Variants in PYGB observed in about 807,000 individuals in gnomAD.
PYGB encodes glycogen phosphorylase, brain form.
A neutral mutation model predicts 94.3 loss-of-function variants in PYGB; 82 were observed. That is an observed-to-expected ratio of 0.87 (90% CI 0.73 to 1.04). The LOEUF (loss-of-function observed/expected upper bound fraction) is 1.04, where lower values mean the gene tolerates loss of function less well. Among genes scored for constraint, PYGB ranks in the 50% least tolerant of loss-of-function variants. The pLI, the probability that PYGB is intolerant of heterozygous loss-of-function variation, is 0.00. For synonymous variants in PYGB, 488 were observed against 479.1 expected, an observed-to-expected ratio of 1.02 and a Z score of -0.24; for missense variants, 1,132 against 1,158.2, an observed-to-expected ratio of 0.98 and a Z score of 0.33.
chr20:25,276,753 G>C lies in PYGB; in HGVS notation c.768G>C (p.Gln256His). The C allele has an allele frequency of 1.2e-6, 2 of 1,613,526 alleles. No individual in the cohort carries two copies. Among genetic ancestry groups the C allele is most frequent in the Non-Finnish European group, 1.7e-6 (2 of 1,179,500 alleles). The change falls in exon 6 of 20, where the codon CAG becomes CAC. Residue 256 changes from glutamine to histidine, a missense_variant. Transcript: ENST00000216962. The part of the protein sequence containing the change: ...SAKAPNDFKL[Q>H]DFNVGDYIEA... ...AGGCTCCCAACGACTTCAAGCTGCA[G>C]GACTGTACGTTCCGTGGTTCTTGGC...
intron 2 of PYGB, among the ~76,000 whole-genome samples, chr20:25,268,157 A>G (rs867993650): frequency 7.1e-5 from 2 of 28,336 alleles, no homozygotes; most frequent in Admixed American, 4.5e-4. Context: ...AAATCCTAGC[A>G]CCCGCCCCCC....
rs2088341655 is a variant in PYGB, at chr20:25,279,084, C to T, written c.1027C>T (p.Pro343Ser). The change falls in exon 9 of 20, where the codon CCC (proline) becomes TCC (serine). Residue 343 changes from proline to serine, a missense_variant. Transcript: ENST00000216962. The stretch of plus-strand genomic sequence containing the variant: ...GGCCATCCAGCTGAACGACACCCAC[C>T]CCGCCCTCTCCATCCCTGAGCTCAT... The part of the protein sequence containing the change: ...KVAIQLNDTH[P>S]ALSIPELMRI... 8 of 1,613,840 alleles carry T rather than the reference C, an allele frequency of 5.0e-6. No individual in the cohort carries two copies. The highest frequency in any genetic ancestry group is 6.8e-6 in the Non-Finnish European group (8 of 1,179,822).
At chr20:25,289,940 G>A in intron 15 of PYGB, 1 of 533,544 alleles carries the variant, frequency 1.9e-6, no homozygotes, top group South Asian at 1.4e-5. Context: ...GGTACTTCAT[G>A]GGTCCCCTGC....
At chr20:25,292,936 C>A (rs1383988221) in intron 17 of PYGB, among the ~76,000 whole-genome samples, 1 of 151,692 alleles carries the variant, frequency 6.6e-6, no homozygotes, top group East Asian at 1.9e-4. Flanking sequence ...TAGAGGGACA[C>A]CCCCTGGGCA....
intron 15 of PYGB, 98 bp downstream of exon 15, chr20:25,288,581 C>T (rs771446737): frequency 7.8e-6 from 11 of 1,410,820 alleles, no homozygotes; most frequent in East Asian, 2.3e-5. Flanking sequence ...CATCCATACT[C>T]GGGAACCGGA....
chr20:25,296,355 T>C lies in PYGB; in HGVS notation c.2380-15T>C, dbSNP rs2088544561. On this transcript the variant is annotated splice_polypyrimidine_tract_variant and intron_variant, in intron 19 of 19. Transcript: ENST00000216962. The stretch of plus-strand genomic sequence containing the variant: ...CCTGTGACGCCAGAGACTAATTTCA[T>C]CTCCTTCCCTGCAGAACCCCAAGGA... 1 of 1,613,866 alleles carries C rather than the reference T, an allele frequency of 6.2e-7. No homozygotes were observed. Among genetic ancestry groups the C allele is most frequent in the East Asian group, 2.2e-5 (1 of 44,888 alleles).
In PYGB at chr20:25,280,301, C is replaced by A; in HGVS notation, c.1128C>A (p.Thr376=). ...TCACGAAGAAGACCTGTGCATACAC[C>A]AACCACACTGTGCTGCCTGAGGCCT... The part of the protein sequence containing the change: ...WEITKKTCAY[T]NHTVLPEALE... The change falls in exon 10 of 20, where the codon ACC becomes ACA. Residue 376 remains threonine, a synonymous_variant. Transcript: ENST00000216962. 6.2e-7 allele frequency: 1 copy of A among 1,614,196 alleles called. No individual in the cohort carries two copies.
At chr20:25,288,518 T>G (rs755039263) in intron 15 of PYGB, 35 bp downstream of exon 15, 2 of 1,608,284 alleles carry the variant, frequency 1.2e-6, no homozygotes, top group Non-Finnish European at 8.5e-7. Flanking sequence ...CTCTGTGGTG[T>G]TTGGTCTGGG....
At chr20:25,251,103 T>G (rs908754459) in intron 1 of PYGB, 3 of 152,254 alleles carry the variant, frequency 2.0e-5, no homozygotes, top group Non-Finnish European at 2.9e-5. Flanking sequence ...TTTGCCATGC[T>G]TGGCAAATCA....
At chr20:25,292,746 G>C (rs1219219511) in intron 17 of PYGB, 133 bp downstream of exon 17, 1 of 1,203,534 alleles carries the variant, frequency 8.3e-7, no homozygotes, top group Non-Finnish European at 1.1e-6. Flanking sequence ...ACCCAGGGCT[G>C]TGTGCCTGCC....
intron 1 of PYGB, among the ~76,000 whole-genome samples, chr20:25,255,862 T>TG (rs1475585368): frequency 1.3e-5 from 2 of 151,984 alleles, no homozygotes; most frequent in Admixed American, 1.3e-4. Context: ...GCCTTCCGAA[T>TG]AGGTGGGATT....
intron 4 of PYGB, among the ~76,000 whole-genome samples, chr20:25,273,233 T>A (rs1196025068): frequency 2.6e-5 from 4 of 152,244 alleles, no homozygotes; most frequent in African/African-American, 9.6e-5. Context: ...AGCTGTTGCT[T>A]CTGCCGACGA....
chr20:25,285,774 T>C (rs1257842648), intron 14 of PYGB, among the ~76,000 whole-genome samples: 2 of 152,082 alleles, frequency 1.3e-5, no homozygotes, highest in Middle Eastern at 3.2e-3. Flanking sequence ...ATCAATACTT[T>C]GCCCTTCCTC....
intron 2 of PYGB, among the ~76,000 whole-genome samples, chr20:25,261,415 A>G (rs201983055): frequency 1.1e-4 from 16 of 152,330 alleles, no homozygotes; most frequent in African/African-American, 2.6e-4. Flanking sequence ...CTGCAGCTGA[A>G]GGTCCTGACT....
Position 25,275,233 on chromosome 20 carries a change from CG to C in PYGB, c.660+514del, listed in dbSNP as rs2088300601. Among the ~76,000 whole-genome samples the C allele has an allele frequency of 4.6e-5, 7 of 152,358 alleles. No homozygotes were observed. In the South Asian group the frequency reaches 1.5e-3, roughly 32 times the overall value. On this transcript the variant is annotated intron_variant, in intron 5 of 19. Transcript: ENST00000216962. Reference sequence around the variant, plus strand: ...GTGTGTGCGAGGCCTGGGTGACATCCGGGGATGGGGCCAGGCCCTCCTGCCC... The same window carrying C: ...GTGTGTGCGAGGCCTGGGTGACATCCGGGATGGGGCCAGGCCCTCCTGCCC...
At chr20:25,255,366 A>C (rs1359604031) in intron 1 of PYGB, among the ~76,000 whole-genome samples, 1 of 152,226 alleles carries the variant, frequency 6.6e-6, no homozygotes, top group African/African-American at 2.4e-5. Context: ...AGGAGCCAGC[A>C]GGTCCAGCCC....
Position 25,296,798 on chromosome 20 carries a change from G to A in PYGB, c.*276G>A. 1 of 446,662 alleles carries A rather than the reference G, an allele frequency of 2.2e-6. No individual in the cohort carries two copies. 27.7% of individuals were successfully genotyped at this position (446,662 alleles called of 1,614,324 possible). A position where few individuals can be genotyped will look rare whatever the true frequency, so the allele number is the denominator to read the frequency against. On this transcript the variant is annotated 3_prime_UTR_variant, in exon 20 of 20. Coordinates refer to ENST00000216962, the MANE Select transcript of PYGB (RefSeq NM_002862.4). ...CTTCAGCACCTGCCCCACCCAGAGT[G>A]GGAGTCAGGTGGAGCCACCTGCTGG...
At chr20:25,269,043 C>G in intron 2 of PYGB, 86 bp from the exon 3 acceptor site, 2 of 1,178,018 alleles carry the variant, frequency 1.7e-6, no homozygotes, top group South Asian at 2.5e-5. Flanking sequence ...TTAGCATAAG[C>G]TCACAAGACT....
intron 17 of PYGB, 38 bp from the exon 18 acceptor site, chr20:25,294,120 G>C: frequency 6.2e-7 from 1 of 1,607,326 alleles, no homozygotes; most frequent in Non-Finnish European, 8.5e-7. Context: ...GGCCCACCTG[G>C]GGCGCTGGCT....
Sources: gnomAD v4.1 joint callset for allele counts (sites outside exome capture counted in the v4.1 genomes callset) on GRCh38, gnomAD v4.1.1 for gene constraint, MANE v1.5 for transcripts, NCBI Gene and HGNC (gene_info 2026-07-23, HGNC 2026-07-21) for gene names.